Variants in PCSK5 observed in about 807,000 individuals in gnomAD.
PCSK5 encodes the protein proprotein convertase subtilisin/kexin type 5.
Under a neutral mutation model 233.2 loss-of-function variants are expected in PCSK5, and 129 were observed. The observed-to-expected ratio is 0.55, with a 90% CI of 0.48 to 0.64. The LOEUF is 0.64. Among genes scored for constraint, PCSK5 ranks in the 30% least tolerant of loss-of-function variants. The pLI is 0.00. For synonymous variants in PCSK5, 825 were observed against 879.2 expected, an observed-to-expected ratio of 0.94 and a Z score of 1.09; for missense variants, 2,076 against 2,430.1, an observed-to-expected ratio of 0.85 and a Z score of 3.06.
chr9:76,020,144 T>C (rs1437936195), intron 3 of PCSK5, among the ~76,000 whole-genome samples: 1 of 152,198 alleles, frequency 6.6e-6, no homozygotes, highest in Non-Finnish European at 1.5e-5. Flanking sequence ...CTTCTCACCA[T>C]GGTTGATGAT....
intron 2 of PCSK5, among the ~76,000 whole-genome samples, chr9:75,972,795 C>T (rs1045264286): frequency 6.6e-6 from 1 of 152,178 alleles, no homozygotes; most frequent in African/African-American, 2.4e-5. Flanking sequence ...CTCCTATTTT[C>T]TTTCCTCCTT....
intron 26 of PCSK5, among the ~76,000 whole-genome samples, chr9:76,296,180 G>A (rs925702215): frequency 1.3e-5 from 2 of 152,152 alleles, no homozygotes; most frequent in Non-Finnish European, 2.9e-5. Context: ...GGCCAGGCTG[G>A]CCTCGAACAC....
chr9:76,304,435 A>C (rs1472462694), intron 28 of PCSK5, among the ~76,000 whole-genome samples: 1 of 152,214 alleles, frequency 6.6e-6, no homozygotes, highest in Admixed American at 6.5e-5. Context: ...ATGAAACCAG[A>C]GGGAAGGAAG....
At chr9:75,941,683 A>G (rs976864757) in intron 2 of PCSK5, among the ~76,000 whole-genome samples, 1 of 152,170 alleles carries the variant, frequency 6.6e-6, no homozygotes, top group Non-Finnish European at 1.5e-5. Context: ...ACTAGAATGC[A>G]TACACTCTTG....
intron 27 of PCSK5, among the ~76,000 whole-genome samples, chr9:76,297,842 G>A (rs1254687619): frequency 1.3e-5 from 2 of 152,138 alleles, no homozygotes; most frequent in Non-Finnish European, 2.9e-5. Flanking sequence ...GGGCTGGAGA[G>A]GAGGCACGTC....
At chr9:75,931,608 T>C (rs1823803240) in intron 1 of PCSK5, among the ~76,000 whole-genome samples, 2 of 152,210 alleles carry the variant, frequency 1.3e-5, no homozygotes, top group African/African-American at 2.4e-5. Context: ...AAAATATGGT[T>C]GGTTGAGGTT....
intron 3 of PCSK5, among the ~76,000 whole-genome samples, chr9:76,004,088 G>A (rs1027387863): frequency 1.3e-5 from 2 of 152,058 alleles, no homozygotes; most frequent in African/African-American, 2.4e-5. Flanking sequence ...ATGAAACACC[G>A]TGTCCAGCTT....
At chr9:76,343,131 T>C (rs1829881016) in intron 35 of PCSK5, among the ~76,000 whole-genome samples, 4 of 150,474 alleles carry the variant, frequency 2.7e-5, no homozygotes, top group African/African-American at 9.9e-5. Context: ...ACATCTCCAC[T>C]TAAAAAACAA....
intron 20 of PCSK5, among the ~76,000 whole-genome samples, chr9:76,225,595 C>A (rs572997666): frequency 6.6e-6 from 1 of 152,222 alleles, no homozygotes; most frequent in East Asian, 1.9e-4. Context: ...ATTGATTGTG[C>A]CTCCTACAAC....
Position 76,332,507 on chromosome 9 carries a change from A to G in PCSK5, c.4645A>G (p.Ser1549Gly), listed in dbSNP as rs1173574119. 4 of 1,612,600 alleles carry G rather than the reference A, an allele frequency of 2.5e-6. No homozygotes were observed. The highest frequency in any genetic ancestry group is 3.4e-6 in the Non-Finnish European group (4 of 1,179,732). Residue 1549 changes from serine (S) to glycine (G), a missense_variant, in exon 34 of 38, where the codon AGC becomes GGC. Ser to Gly is a moderately conservative substitution (Grantham distance 56). Coordinates refer to ENST00000674117, the MANE Select transcript of PCSK5 (RefSeq NM_001372043.1). ...CAGCAACCGGTGTGCCCACTGCCACAGCTCTTGCAGGACATGTGAAGGGAG... is the reference window on the plus strand; with the variant it reads ...CAGCAACCGGTGTGCCCACTGCCACGGCTCTTGCAGGACATGTGAAGGGAG... ...EDSNRCAHCH[S>G]SCRTCEGRHS...
At chr9:75,938,960 A>G (rs924131506) in intron 2 of PCSK5, among the ~76,000 whole-genome samples, 1 of 152,200 alleles carries the variant, frequency 6.6e-6, no homozygotes, top group Non-Finnish European at 1.5e-5. Flanking sequence ...AAGAAAGGAA[A>G]AACACGTGAG....
chr9:75,998,018 A>G (rs1057327744), intron 3 of PCSK5, among the ~76,000 whole-genome samples: 2 of 152,202 alleles, frequency 1.3e-5, no homozygotes, highest in African/African-American at 4.8e-5. Flanking sequence ...GCAAAGTCAA[A>G]CAAACTATGG....
chr9:76,129,992 G>C (rs893308239), intron 9 of PCSK5, among the ~76,000 whole-genome samples: 2 of 152,118 alleles, frequency 1.3e-5, no homozygotes, highest in African/African-American at 4.8e-5. Context: ...CACGTAGCCT[G>C]GCTGCGAACC....
At chr9:75,939,827 A>C (rs1036908877) in intron 2 of PCSK5, among the ~76,000 whole-genome samples, 1 of 151,750 alleles carries the variant, frequency 6.6e-6, no homozygotes, top group African/African-American at 2.4e-5. Context: ...TTCTATCCTC[A>C]AATCTATTAT....
chr9:76,299,006 A>G (rs927876352), intron 27 of PCSK5, among the ~76,000 whole-genome samples: 2 of 152,186 alleles, frequency 1.3e-5, no homozygotes, highest in Non-Finnish European at 2.9e-5. Context: ...CCCCATGAGC[A>G]TCTATCAGCA....
At chr9:76,242,574 A>C (rs1268448218) in intron 24 of PCSK5, among the ~76,000 whole-genome samples, 1 of 152,252 alleles carries the variant, frequency 6.6e-6, no homozygotes, top group Non-Finnish European at 1.5e-5. Context: ...AAAAGTACTG[A>C]AGTAAAAAAC....
rs563802324 is a variant in PCSK5 at position 75,907,232 on chromosome 9, T to C, written c.192+15859T>C. Among the ~76,000 whole-genome samples the C allele has an allele frequency of 2.6e-5, 4 of 152,274 alleles. No individual in the cohort carries two copies. The East Asian group carries it at 7.7e-4, about 29-fold the overall frequency. On this transcript the variant is annotated intron_variant, in intron 1 of 37. Transcript: ENST00000674117. ...CTACAGGGACTTAATTATTACTCTGTAGCATATAGCATAGTGTCTCACTGT... is the reference window on the plus strand; with the variant it reads ...CTACAGGGACTTAATTATTACTCTGCAGCATATAGCATAGTGTCTCACTGT...
chr9:75,921,796 T>C (rs1195362532), intron 1 of PCSK5, among the ~76,000 whole-genome samples: 1 of 152,214 alleles, frequency 6.6e-6, no homozygotes, highest in Non-Finnish European at 1.5e-5. Flanking sequence ...TAATTACTCA[T>C]TTTGGACAAA....
chr9:75,986,323 G>A (rs1448312174), intron 3 of PCSK5, 78 bp downstream of exon 3: 1 of 838,294 alleles, frequency 1.2e-6, no homozygotes, highest in Non-Finnish European at 2.1e-6. Flanking sequence ...GTTGGTCTTG[G>A]GAGGACACAG....
Sources: gnomAD v4.1 joint callset for allele counts (sites outside exome capture counted in the v4.1 genomes callset) on GRCh38, gnomAD v4.1.1 for gene constraint, MANE v1.5 for transcripts, NCBI Gene and HGNC (gene_info 2026-07-23, HGNC 2026-07-21) for gene names.